The following SORCS3 variants were observed in gnomAD, a reference collection of about 807,000 sequenced individuals.
SORCS3 encodes VPS10 domain-containing receptor SorCS3.
SORCS3 carries 57 observed loss-of-function variants against 146.3 expected under a neutral mutation model. The observed-to-expected ratio is 0.39, with a 90% confidence interval of 0.31 to 0.49. SORCS3 has a LOEUF of 0.49. Among genes scored for constraint, SORCS3 ranks in the 20% least tolerant of loss-of-function variants. SORCS3 has a pLI of 0.92. For missense variants in SORCS3, 1,341 were observed against 1,575.5 expected (o/e 0.85, Z 2.52); for synonymous variants, 653 against 618.5 (o/e 1.06, Z -0.83).
At chr10:104,811,203 T>A (rs1188552729) in intron 1 of SORCS3, among the ~76,000 whole-genome samples, 1 of 152,222 alleles carries the variant, frequency 6.6e-6, no homozygotes, top group Non-Finnish European at 1.5e-5. Context: ...ATTCATTTGT[T>A]CATTTCCTGG....
chr10:105,255,378 C>T (rs1260641990), intron 23 of SORCS3, among the ~76,000 whole-genome samples: 2 of 151,762 alleles, frequency 1.3e-5, no homozygotes, highest in African/African-American at 4.8e-5. Context: ...TGTTAAATGA[C>T]GAGTTAATGG....
At chr10:105,076,280 A>G (rs1162978817) in intron 5 of SORCS3, among the ~76,000 whole-genome samples, 2 of 152,228 alleles carry the variant, frequency 1.3e-5, no homozygotes, top group Non-Finnish European at 2.9e-5. Flanking sequence ...GGACTATAGA[A>G]GAGACGAACT....
At position 104,642,078 on chromosome 10, in the gene SORCS3, A is replaced by C. The variant is rs902199001; in HGVS notation, c.627+124A>C. On this transcript the variant is annotated intron_variant, in intron 1 of 26. Transcript: ENST00000369701. Reference sequence around the variant, plus strand: ...AGGCGGGGGACGCCTCGACTTTTCGAGATAACAGGTTTGTCCGATTCCCCC... The same window carrying C: ...AGGCGGGGGACGCCTCGACTTTTCGCGATAACAGGTTTGTCCGATTCCCCC... 3.4e-6 allele frequency: 4 copies of C among 1,175,258 alleles called. No homozygotes were observed. In the Admixed American group the frequency reaches 1.1e-4, roughly 32 times the overall value. The allele number at this position is 1,175,258 out of a possible 1,614,324, so 72.8% of individuals were successfully genotyped here. A position where few individuals can be genotyped will look rare whatever the true frequency, so the allele number is the denominator to read the frequency against.
At chr10:105,021,600 T>C (rs1397061849) in intron 4 of SORCS3, among the ~76,000 whole-genome samples, 1 of 152,230 alleles carries the variant, frequency 6.6e-6, no homozygotes, top group Non-Finnish European at 1.5e-5. Flanking sequence ...GAACTAGTAA[T>C]TGTAATAATG....
intron 23 of SORCS3, among the ~76,000 whole-genome samples, chr10:105,253,185 C>T (rs1321550634): frequency 6.6e-6 from 1 of 151,716 alleles, no homozygotes. Context: ...TCCTGGGATT[C>T]AGGGGAAGGG....
chr10:104,899,658 G>C (rs533190514), intron 2 of SORCS3, among the ~76,000 whole-genome samples: 8 of 152,186 alleles, frequency 5.3e-5, no homozygotes, highest in Non-Finnish European at 1.2e-4. Flanking sequence ...AAATGGAGGG[G>C]AAGTGAATTA....
chr10:105,007,080 C>T (rs577457299), intron 4 of SORCS3, among the ~76,000 whole-genome samples: 1 of 152,266 alleles, frequency 6.6e-6, no homozygotes, highest in East Asian at 1.9e-4. Flanking sequence ...TGACAGCTCA[C>T]ATTCTAGTGA....
intron 1 of SORCS3, among the ~76,000 whole-genome samples, chr10:104,649,992 TC>T (rs1277370933): frequency 6.6e-6 from 1 of 152,158 alleles, no homozygotes; most frequent in African/African-American, 2.4e-5. Context: ...GACAAGCAGA[TC>T]CCATTGTGCC....
chr10:104,934,214 T>G (rs2019237397), intron 3 of SORCS3, among the ~76,000 whole-genome samples: 1 of 152,178 alleles, frequency 6.6e-6, no homozygotes, highest in South Asian at 2.1e-4. Flanking sequence ...TTGCATCAAA[T>G]AACATAAAGG....
chr10:104,959,251 A>G (rs2054775688), intron 3 of SORCS3, among the ~76,000 whole-genome samples: 1 of 152,204 alleles, frequency 6.6e-6, no homozygotes, highest in African/African-American at 2.4e-5. Context: ...TCACCCCTAC[A>G]CATACCAAAT....
At chr10:105,047,286 T>G (rs532974838) in intron 5 of SORCS3, among the ~76,000 whole-genome samples, 1 of 152,226 alleles carries the variant, frequency 6.6e-6, no homozygotes, top group African/African-American at 2.4e-5. Flanking sequence ...CAGAATTCTC[T>G]GTGTAACTAG....
chr10:105,097,384 C>T lies in SORCS3; in HGVS notation c.1093+7545C>T, dbSNP rs143951372. ...GATTCAAATGGCTTTTCCTCCCATTCGCTTCTGGAATTCATCTTTCTCTGA... is the reference window on the plus strand; with the variant it reads ...GATTCAAATGGCTTTTCCTCCCATTTGCTTCTGGAATTCATCTTTCTCTGA... On this transcript the variant is annotated intron_variant, in intron 6 of 26. Transcript: ENST00000369701. 6.8e-4 allele frequency among the ~76,000 whole-genome samples: 104 copies of T among 152,308 alleles called. 1 individual carries two copies. In the East Asian group the frequency reaches 0.019, roughly 28 times the overall value.
Position 105,245,618 on chromosome 10 carries a change from C to G in SORCS3, c.2945C>G (p.Ala982Gly), listed in dbSNP as rs2056861016. 6.2e-7 allele frequency: 1 copy of G among 1,614,030 alleles called. No homozygotes were observed. Among genetic ancestry groups the G allele is most frequent in the African/African-American group, 1.3e-5 (1 of 74,930 alleles). The part of the protein sequence containing the change: ...EGTDTITVQV[A>G]AGNALIQDTK... ...ACCGACACCATCACAGTCCAGGTGG[C>G]TGCTGGGAATGCCCTCATCCAGGAC... The change falls in exon 21 of 27, where the codon GCT becomes GGT. Residue 982 changes from alanine to glycine, a missense_variant. Ala to Gly is a moderately conservative substitution (Grantham distance 60, BLOSUM62 0). Transcript: ENST00000369701.
chr10:104,657,405 G>T (rs966584030), intron 1 of SORCS3, among the ~76,000 whole-genome samples: 10 of 152,218 alleles, frequency 6.6e-5, no homozygotes, highest in African/African-American at 2.4e-4. Flanking sequence ...TTGAGAGATT[G>T]GATGTAGCAA....
intron 2 of SORCS3, among the ~76,000 whole-genome samples, chr10:104,861,538 G>T (rs2018403093): frequency 6.6e-6 from 1 of 152,144 alleles, no homozygotes; most frequent in African/African-American, 2.4e-5. Flanking sequence ...ACTCCAGTAA[G>T]GTCTCATGAC....
chr10:104,683,504 G>A (rs2016004394), intron 1 of SORCS3, among the ~76,000 whole-genome samples: 1 of 152,198 alleles, frequency 6.6e-6, no homozygotes, highest in African/African-American at 2.4e-5. Flanking sequence ...TCAGCATGAA[G>A]CCTTGAGTAA....
At chr10:105,189,318 C>T (rs1348362974) in intron 14 of SORCS3, among the ~76,000 whole-genome samples, 2 of 152,170 alleles carry the variant, frequency 1.3e-5, no homozygotes, top group African/African-American at 4.8e-5. Flanking sequence ...ATCTTTGTCC[C>T]TGTCATTCTG....
intron 20 of SORCS3, among the ~76,000 whole-genome samples, chr10:105,228,811 A>G (rs1436226864): frequency 3.9e-5 from 6 of 152,198 alleles, no homozygotes; most frequent in African/African-American, 1.4e-4. Context: ...GAGTTTGACT[A>G]TAATGTGGCA....
chr10:104,907,861 G>T lies in SORCS3; in HGVS notation c.696-7972G>T, dbSNP rs137864753. Among the ~76,000 whole-genome samples, 557 of 152,334 alleles carry T rather than the reference G, an allele frequency of 3.7e-3. 4 individuals are homozygous for T. Among genetic ancestry groups the T allele is most frequent in the African/African-American group, 0.012 (513 of 41,574 alleles). On this transcript the variant is annotated intron_variant, in intron 2 of 26. Coordinates refer to ENST00000369701, the MANE Select transcript of SORCS3 (RefSeq NM_014978.3). Reference sequence around the variant, plus strand: ...GAAGCTGTTTAAATGACTTACTTTTGGCTTGAGGTCTGAAATTAGTTATCT... The same window carrying T: ...GAAGCTGTTTAAATGACTTACTTTTTGCTTGAGGTCTGAAATTAGTTATCT...
Sources: gnomAD v4.1 joint callset for allele counts (sites outside exome capture counted in the v4.1 genomes callset) on GRCh38, gnomAD v4.1.1 for gene constraint, MANE v1.5 for transcripts, NCBI Gene and HGNC (gene_info 2026-07-23, HGNC 2026-07-21) for gene names.